The following RBFOX1 variants were observed in gnomAD, a reference collection of about 807,000 sequenced individuals.
RBFOX1 encodes RNA binding protein fox-1 homolog 1.
RBFOX1 carries 8 observed loss-of-function variants against 57.7 expected under a neutral mutation model. That is an observed-to-expected ratio of 0.14 (90% CI 0.08 to 0.25). The LOEUF is 0.25. Among genes scored for constraint, RBFOX1 ranks in the 10% least tolerant of loss-of-function variants. RBFOX1 has a pLI of 1.00. For synonymous variants in RBFOX1, 326 were observed against 222.4 expected (o/e 1.47, Z -4.15); for missense variants, 611 against 548.5 (o/e 1.11, Z -1.14).
intron 1 of RBFOX1, among the ~76,000 whole-genome samples, chr16:6,286,439 A>G (rs9933185): frequency 6.6e-6 from 1 of 152,148 alleles, no homozygotes; most frequent in African/African-American, 2.4e-5. Context: ...GAGTTGCTCA[A>G]AGTCTCTGAG....
intron 2 of RBFOX1, among the ~76,000 whole-genome samples, chr16:5,580,059 C>G (rs958112474): frequency 6.6e-6 from 1 of 152,208 alleles, no homozygotes; most frequent in African/African-American, 2.4e-5. Flanking sequence ...GTGTGAGCCA[C>G]TGCGCCCAGC....
intron 1 of RBFOX1, among the ~76,000 whole-genome samples, chr16:5,338,314 C>G (rs75207213): frequency 0.036 from 5,463 of 152,264 alleles, 339 homozygotes; most frequent in African/African-American, 0.12. Flanking sequence ...CAGATTCTCT[C>G]TCCTGGGACT....
rs114291614 is a variant in RBFOX1, at chr16:5,496,624, T to C, written c.258+29370T>C. 8.2e-3 allele frequency among the ~76,000 whole-genome samples: 1,245 copies of C among 152,264 alleles called. 14 individuals carry two copies. Among genetic ancestry groups the C allele is most frequent in the East Asian group, 0.043 (224 of 5,170 alleles). ...AGATGTCGGCCACAGGGCTGGATCATAGCAAGCAAACGCCCAATAAACGAG... is the reference window on the plus strand; with the variant it reads ...AGATGTCGGCCACAGGGCTGGATCACAGCAAGCAAACGCCCAATAAACGAG... On this transcript the variant is annotated intron_variant, in intron 2 of 2. Transcript: ENST00000585867.
At position 7,220,729 on chromosome 16, in the gene RBFOX1, C is replaced by T. The variant is rs183425801; in HGVS notation, c.27+168631C>T. Among the ~76,000 whole-genome samples the T allele has an allele frequency of 1.7e-3, 249 of 150,226 alleles. 6 individuals carry two copies. Among genetic ancestry groups the T allele is most frequent in the Admixed American group, 0.016 (245 of 15,144 alleles). The stretch of plus-strand genomic sequence containing the variant: ...AACTTGCCACAGGATCATCTTGGAT[C>T]CTGGCTGAGTGTGGAATTTCCAGGC... On this transcript the variant is annotated intron_variant, in intron 4 of 15. Transcript: ENST00000550418.
At chr16:5,360,419 G>T (rs956036117) in intron 1 of RBFOX1, among the ~76,000 whole-genome samples, 3 of 152,198 alleles carry the variant, frequency 2.0e-5, no homozygotes, top group East Asian at 3.9e-4. Flanking sequence ...TGGGAGAAAA[G>T]GTGCCAGGCT....
chr16:6,624,554 A>C (rs923328747), intron 2 of RBFOX1, among the ~76,000 whole-genome samples: 23 of 152,140 alleles, frequency 1.5e-4, no homozygotes, highest in African/African-American at 4.3e-4. Flanking sequence ...GTCCCTTGGC[A>C]GTGAGGACGT....
chr16:5,893,917 G>C (rs1171664598), intron 4 of RBFOX1, among the ~76,000 whole-genome samples: 2 of 152,028 alleles, frequency 1.3e-5, no homozygotes, highest in African/African-American at 2.4e-5. Context: ...TTAAAAAAAA[G>C]ATCACCCACA....
intron 1 of RBFOX1, among the ~76,000 whole-genome samples, chr16:5,301,271 C>T (rs1159551656): frequency 6.6e-6 from 1 of 152,188 alleles, no homozygotes; most frequent in Non-Finnish European, 1.5e-5. Context: ...CCAGCAGCCA[C>T]TGAGGCCCTC....
chr16:6,419,488 A>G (rs2093716082), intron 2 of RBFOX1, among the ~76,000 whole-genome samples: 1 of 152,232 alleles, frequency 6.6e-6, no homozygotes, highest in Admixed American at 6.5e-5. Context: ...GAATGAAGAC[A>G]ATAAGCAAAA....
intron 15 of RBFOX1, 146 bp from the exon 16 acceptor site, chr16:7,710,477 T>G (rs2083834733): frequency 6.6e-7 from 1 of 1,516,584 alleles, no homozygotes; most frequent in South Asian, 1.3e-5. Context: ...CTATCTTTAG[T>G]TCTCCAAGAA....
intron 3 of RBFOX1, among the ~76,000 whole-genome samples, chr16:6,780,756 A>G (rs1361710469): frequency 6.6e-6 from 1 of 151,252 alleles, no homozygotes; most frequent in Non-Finnish European, 1.5e-5. Flanking sequence ...GACGTTGAGC[A>G]TTTTTCCGCA....
intron 3 of RBFOX1, among the ~76,000 whole-genome samples, chr16:6,794,500 A>C (rs1322028078): frequency 1.3e-5 from 2 of 152,088 alleles, no homozygotes; most frequent in East Asian, 3.9e-4. Context: ...ATTATTCATA[A>C]TGACTACATA....
In RBFOX1 at chr16:6,825,146, C is replaced by T. The variant is rs543164967; in HGVS notation, c.-16+170496C>T. Among the ~76,000 whole-genome samples, 7 of 151,200 alleles carry T rather than the reference C, an allele frequency of 4.6e-5. No homozygotes were observed. In the East Asian group the frequency reaches 1.4e-3, roughly 30 times the overall value. On this transcript the variant is annotated intron_variant, in intron 3 of 15. Coordinates refer to ENST00000550418, the MANE Select transcript of RBFOX1 (RefSeq NM_018723.4). Reference sequence around the variant, plus strand: ...CAAGTAGCTAGGATTAACAACCTCACTCAGCACCCTTGGCGTTGCTGGTCA... The same window carrying T: ...CAAGTAGCTAGGATTAACAACCTCATTCAGCACCCTTGGCGTTGCTGGTCA...
chr16:5,838,719 T>A (rs2056538287), intron 3 of RBFOX1: 1 of 152,264 alleles, frequency 6.6e-6, no homozygotes, highest in South Asian at 2.1e-4. Flanking sequence ...GATGGATGAA[T>A]ATCTTCATTG....
At chr16:5,595,894 C>T (rs2047164528) in intron 2 of RBFOX1, among the ~76,000 whole-genome samples, 1 of 152,116 alleles carries the variant, frequency 6.6e-6, no homozygotes, top group Non-Finnish European at 1.5e-5. Flanking sequence ...TGTCTAGTTC[C>T]AGGGTATGGA....
At chr16:6,556,636 T>G (rs1402456078) in intron 2 of RBFOX1, among the ~76,000 whole-genome samples, 1 of 152,140 alleles carries the variant, frequency 6.6e-6, no homozygotes, top group Non-Finnish European at 1.5e-5. Context: ...ATGGCATGTA[T>G]TGAGATGATG....
chr16:7,431,679 T>C (rs1003262374), intron 4 of RBFOX1, among the ~76,000 whole-genome samples: 12 of 152,224 alleles, frequency 7.9e-5, no homozygotes, highest in Non-Finnish European at 5.9e-5. Context: ...AGGAACCCCA[T>C]ATCCATTAAG....
In RBFOX1 at chr16:7,676,850, CCTT is replaced by C. The variant is rs1297991493; in HGVS notation, c.995+16_995+18del. ...GCCTACAGTGACAGGTAAGGGTCAT[CCTT>C]CTTGTGCTTGACAACTACTTGTAAA... is the stretch of plus-strand genomic sequence containing the variant. On this transcript the variant is annotated intron_variant, in intron 14 of 15. Transcript: ENST00000550418. The C allele has an allele frequency of 6.2e-7, 1 of 1,605,288 alleles. No individual in the cohort carries two copies. The highest frequency in any genetic ancestry group is 1.3e-5 in the African/African-American group (1 of 74,818).
intron 3 of RBFOX1, among the ~76,000 whole-genome samples, chr16:5,798,154 T>G (rs1398927746): frequency 1.3e-5 from 2 of 152,124 alleles, no homozygotes; most frequent in Admixed American, 1.3e-4. Flanking sequence ...CTAACAGGGA[T>G]AAAAATGACT....
Sources: gnomAD v4.1 joint callset for allele counts (sites outside exome capture counted in the v4.1 genomes callset) on GRCh38, gnomAD v4.1.1 for gene constraint, MANE v1.5 for transcripts, NCBI Gene and HGNC (gene_info 2026-07-23, HGNC 2026-07-21) for gene names.